CDH22: variants seen among roughly 807,000 people sequenced by gnomAD.
CDH22 encodes the protein cadherin-22.
A neutral mutation model predicts 58.4 loss-of-function variants in CDH22; 30 were observed. The observed-to-expected ratio is 0.51, with a 90% CI of 0.38 to 0.70. The LOEUF is 0.70. CDH22 is among the 30% of genes least tolerant of loss of function. The probability of loss-of-function intolerance (pLI) is 0.00; values close to 1 mark genes in which losing one functional copy is unlikely to be tolerated. For synonymous variants in CDH22, 513 were observed against 558.2 expected (o/e 0.92, Z 1.14); for missense variants, 1,014 against 1,233.9 (o/e 0.82, Z 2.67).
At chr20:46,237,142 C>T (rs1302264592) in intron 3 of CDH22, among the ~76,000 whole-genome samples, 1 of 152,228 alleles carries the variant, frequency 6.6e-6, no homozygotes, top group African/African-American at 2.4e-5. Flanking sequence ...ACATCTGATG[C>T]TTGAATGAAC....
chr20:46,223,713 C>CT (rs11469863), intron 4 of CDH22, among the ~76,000 whole-genome samples: 2 of 54,522 alleles, frequency 3.7e-5, no homozygotes, highest in African/African-American at 2.0e-4. Flanking sequence ...TTCTTTCTTT[C>CT]TTTTTCTTTC....
Position 46,210,724 on chromosome 20 carries a change from C to T in CDH22, c.1033-164G>A, listed in dbSNP as rs1568659777. Among the ~76,000 whole-genome samples, 1 of 152,106 alleles carries T rather than the reference C, an allele frequency of 6.6e-6. No homozygotes were observed. Among genetic ancestry groups the T allele is most frequent in the Admixed American group, 6.5e-5 (1 of 15,268 alleles). ...ATTGCAGAACTGACCCAGACCAACC[C>T]GGTGGGTTACGGGTGGAGAAACTGA... On this transcript the variant is annotated intron_variant, in intron 6 of 11. Transcript: ENST00000537909. This position sits in a 1 kb window ranked among gnomAD's most constrained non-coding sequence, Gnocchi z 4.5.
chr20:46,176,674 C>T (rs1443150240), intron 11 of CDH22, among the ~76,000 whole-genome samples: 1 of 152,246 alleles, frequency 6.6e-6, no homozygotes, highest in Non-Finnish European at 1.5e-5. Flanking sequence ...CACCACCTAA[C>T]AAGGTGGCTT....
intron 1 of CDH22, among the ~76,000 whole-genome samples, chr20:46,258,636 G>T (rs1433479230): frequency 6.6e-6 from 1 of 152,192 alleles, no homozygotes; most frequent in African/African-American, 2.4e-5. Context: ...TCTCTAGTGG[G>T]TATGGGAAGA....
chr20:46,228,107 T>C (rs2086192986), intron 3 of CDH22, among the ~76,000 whole-genome samples: 1 of 152,174 alleles, frequency 6.6e-6, no homozygotes, highest in Non-Finnish European at 1.5e-5. Context: ...CAGGGGCCAT[T>C]CTACCCACTC....
intron 8 of CDH22, among the ~76,000 whole-genome samples, chr20:46,190,733 C>G (rs554065708): frequency 6.6e-6 from 1 of 152,322 alleles, no homozygotes; most frequent in African/African-American, 2.4e-5. Flanking sequence ...TTAACCGATT[C>G]CTAAATTAAA....
intron 4 of CDH22, among the ~76,000 whole-genome samples, chr20:46,223,813 C>CCTTT (rs1180113143): frequency 6.0e-4 from 16 of 26,764 alleles, no homozygotes; most frequent in African/African-American, 2.0e-3. Flanking sequence ...TTCCTTTCTT[C>CCTTT]CTTTCTTCCT....
chr20:46,251,171 G>A lies in CDH22; in HGVS notation c.124C>T (p.Pro42Ser). Residue 42 changes from proline to serine, a missense_variant, in exon 2 of 12, where the codon CCC becomes TCC. Physicochemically the swap from Pro to Ser is moderately conservative, Grantham distance 74. Around this residue, in one of 2 missense-constraint regions of CDH22, gnomAD observed 806 missense variants for 1,038.7 expected, o/e 0.78. Coordinates refer to ENST00000537909, the MANE Select transcript of CDH22 (RefSeq NM_021248.3). The surrounding 1 kb of genome is among the most constrained non-coding windows in gnomAD (Gnocchi z 6.7). Reference sequence around the variant, plus strand: ...CGAGCTCCGGGCGCCGACGGCGAGGGTGTGCCCGCTGCCCACAGGCGCCCC... The same window carrying A: ...CGAGCTCCGGGCGCCGACGGCGAGGATGTGCCCGCTGCCCACAGGCGCCCC... Reference protein sequence around the residue: ...LLGRLWAAGTPSPSAPGARQD... With the variant: ...LLGRLWAAGTSSPSAPGARQD... 1 of 1,572,180 alleles carries A rather than the reference G, an allele frequency of 6.4e-7. No homozygotes were observed. Among genetic ancestry groups the A allele is most frequent in the Non-Finnish European group, 8.6e-7 (1 of 1,160,818 alleles).
At chr20:46,303,992 A>C (rs6032759) in intron 1 of CDH22, among the ~76,000 whole-genome samples, 4,587 of 152,154 alleles carry the variant, frequency 0.03, 193 homozygotes, top group African/African-American at 0.093. Flanking sequence ...TGAGCTGGAG[A>C]AGGGATCGCG....
Position 46,180,739 on chromosome 20 carries a change from CT to C in CDH22, c.1664-2543del, listed in dbSNP as rs570187645. On this transcript the variant is annotated intron_variant, in intron 10 of 11. Transcript: ENST00000537909. ...CCTTCCTTCCAACCATCCAACAAATCTTTTTTTTTCTTGAGACAAGGTCTCA... is the reference window on the plus strand; with the variant it reads ...CCTTCCTTCCAACCATCCAACAAATCTTTTTTTTCTTGAGACAAGGTCTCA... 5.2e-3 allele frequency among the ~76,000 whole-genome samples: 784 copies of C among 151,400 alleles called. 3 individuals are homozygous for C. The highest frequency in any genetic ancestry group is 0.011 in the Admixed American group (165 of 15,222).
At chr20:46,293,994 G>A (rs1256646577) in intron 1 of CDH22, among the ~76,000 whole-genome samples, 3 of 152,166 alleles carry the variant, frequency 2.0e-5, no homozygotes, top group Non-Finnish European at 2.9e-5. Flanking sequence ...CAGCCTGGGC[G>A]ACAGAGCGAG....
chr20:46,283,101 C>T (rs1483710679), intron 1 of CDH22, among the ~76,000 whole-genome samples: 1 of 152,258 alleles, frequency 6.6e-6, no homozygotes, highest in Non-Finnish European at 1.5e-5. Flanking sequence ...TGCAGTACGG[C>T]ATGGGGTGCC....
intron 1 of CDH22, among the ~76,000 whole-genome samples, chr20:46,262,233 G>C (rs1019347115): frequency 1.3e-5 from 2 of 151,256 alleles, no homozygotes; most frequent in Non-Finnish European, 2.9e-5. Flanking sequence ...GGGGTGGGGG[G>C]TGGTGGAGTG....
In CDH22 at chr20:46,210,524, T is replaced by C. The variant is rs1469694890; in HGVS notation, c.1069A>G (p.Ile357Val). The change falls in exon 7 of 12, where the codon ATC becomes GTC. Residue 357 changes from isoleucine (I) to valine (V), a missense_variant. Physicochemically the swap from Ile to Val is conservative, Grantham distance 29 (BLOSUM62 3). Transcript: ENST00000537909. This position sits in a 1 kb window ranked among gnomAD's most constrained non-coding sequence, Gnocchi z 4.5. ...ACGAACTTGTTGAGGGCCTCCAGGA[T>C]CACGGTGTGCACGGGCTGGGATTCG... ...DFESQPVHTV[I>V]LEALNKFVDP... The C allele has an allele frequency of 7.0e-7, 1 of 1,435,124 alleles. No homozygotes were observed. The highest frequency in any genetic ancestry group is 9.2e-7 in the Non-Finnish European group (1 of 1,092,132). 88.9% of individuals were successfully genotyped at this position (1,435,124 alleles called of 1,614,324 possible).
chr20:46,231,645 A>G (rs2086221214), intron 3 of CDH22, among the ~76,000 whole-genome samples: 1 of 152,128 alleles, frequency 6.6e-6, no homozygotes, highest in Non-Finnish European at 1.5e-5. Flanking sequence ...CTGTTCTGAG[A>G]CTGACACCTG....
intron 4 of CDH22, among the ~76,000 whole-genome samples, chr20:46,219,208 C>G (rs995323941): frequency 1.3e-5 from 2 of 152,296 alleles, no homozygotes; most frequent in Non-Finnish European, 2.9e-5. Context: ...CACAAACCAT[C>G]TATCAGTGGC....
chr20:46,285,857 G>A (rs553833820), intron 1 of CDH22, among the ~76,000 whole-genome samples: 3 of 152,260 alleles, frequency 2.0e-5, no homozygotes, highest in South Asian at 2.1e-4. Context: ...ATCTCTGCCC[G>A]TTTGGGACTC....
intron 4 of CDH22, among the ~76,000 whole-genome samples, chr20:46,227,016 C>T (rs1042700511): frequency 6.6e-6 from 1 of 152,230 alleles, no homozygotes; most frequent in East Asian, 1.9e-4. Context: ...CCTTAAAGGT[C>T]TCTGTGTCTT....
At chr20:46,175,738 G>A (rs1206695369) in intron 11 of CDH22, among the ~76,000 whole-genome samples, 3 of 152,140 alleles carry the variant, frequency 2.0e-5, no homozygotes, top group African/African-American at 7.2e-5. Context: ...GCAGACCCTT[G>A]GATCCTGGCA....
Sources: allele counts gnomAD v4.1 joint callset (sites outside exome capture counted in the v4.1 genomes callset), GRCh38; gene constraint gnomAD v4.1.1; regional missense constraint gnomAD v4.1.1; non-coding constraint Gnocchi (gnomAD v3.1); transcripts MANE v1.5; gene names NCBI Gene and HGNC (gene_info 2026-07-23, HGNC 2026-07-21).